MYO10: variants seen among roughly 807,000 people sequenced by gnomAD.
MYO10 encodes unconventional myosin-X.
Under a neutral mutation model 257.3 loss-of-function variants are expected in MYO10, and 133 were observed. The observed-to-expected ratio is 0.52, with a 90% CI of 0.45 to 0.60. The LOEUF is 0.60. Ranked by LOEUF, MYO10 falls within the 20% of genes least tolerant of loss-of-function variation. The pLI, the probability that MYO10 is intolerant of heterozygous loss-of-function variation, is 0.00. For missense variants in MYO10, 2,399 were observed against 2,635.7 expected (o/e 0.91, Z 1.97); for synonymous variants, 1,104 against 1,028.6 (o/e 1.07, Z -1.40).
intron 19 of MYO10, among the ~76,000 whole-genome samples, chr5:16,745,584 G>T (rs1270573135): frequency 2.0e-5 from 3 of 152,078 alleles, no homozygotes; most frequent in Non-Finnish European, 4.4e-5. Flanking sequence ...AGCTATTTGG[G>T]AGGCTGGGGC....
At chr5:16,681,530 TA>T (rs750981773) in intron 31 of MYO10, 27 bp from the exon 32 acceptor site, 60 of 1,577,912 alleles carry the variant, frequency 3.8e-5, no homozygotes, top group Non-Finnish European at 4.6e-5. Flanking sequence ...AAGTGTAAAT[TA>T]AAATCTGTGA....
At chr5:16,747,348 T>C (rs1740224511) in intron 19 of MYO10, among the ~76,000 whole-genome samples, 1 of 149,536 alleles carries the variant, frequency 6.7e-6, no homozygotes, top group Non-Finnish European at 1.5e-5. Context: ...TAAAACAGAA[T>C]CTATGGCAAT....
intron 22 of MYO10, among the ~76,000 whole-genome samples, chr5:16,703,561 A>T (rs1241498354): frequency 6.6e-6 from 1 of 152,132 alleles, no homozygotes; most frequent in Non-Finnish European, 1.5e-5. Flanking sequence ...GGCATAGTGG[A>T]TGCAACTAAA....
chr5:16,903,200 T>C (rs1174724837), intron 1 of MYO10, among the ~76,000 whole-genome samples: 3 of 151,998 alleles, frequency 2.0e-5, no homozygotes, highest in Non-Finnish European at 4.4e-5. Context: ...AGGTCAGGAG[T>C]TGAAGACCAG....
At chr5:16,833,372 C>T (rs1399552261) in intron 2 of MYO10, among the ~76,000 whole-genome samples, 1 of 151,974 alleles carries the variant, frequency 6.6e-6, no homozygotes, top group African/African-American at 2.4e-5. Flanking sequence ...CACCACCACA[C>T]CTGGATAATT....
At position 16,723,180 on chromosome 5, in the gene MYO10, C is replaced by G. The variant is rs185992618; in HGVS notation, c.1930-11935G>C. Among the ~76,000 whole-genome samples, 133 of 151,922 alleles carry G rather than the reference C, an allele frequency of 8.8e-4. 1 individual carries two copies. The highest frequency in any genetic ancestry group is 1.1e-3 in the Non-Finnish European group (72 of 67,980). ...TCACGAGGTCATGAGGTCAGGAGAT[C>G]GAGACCATCCTGGCTAACACAGTGA... On this transcript the variant is annotated intron_variant, in intron 19 of 40. Transcript: ENST00000513610.
chr5:16,702,491 A>G, intron 24 of MYO10, 52 bp downstream of exon 24: 1 of 1,501,998 alleles, frequency 6.7e-7, no homozygotes, highest in South Asian at 1.2e-5. Flanking sequence ...AAGCATTAGA[A>G]GTGGGAAGGA....
intron 2 of MYO10, 86 bp from the exon 3 acceptor site, chr5:16,818,253 C>A: frequency 8.3e-7 from 1 of 1,206,478 alleles, no homozygotes; most frequent in South Asian, 1.9e-5. Flanking sequence ...AATACAATCT[C>A]AGTATAATTT....
intron 1 of MYO10, among the ~76,000 whole-genome samples, chr5:16,904,115 GA>G (rs5866217): frequency 0.3 from 46,094 of 151,956 alleles, 8,732 homozygotes; most frequent in African/African-American, 0.54. Flanking sequence ...ACCAGTGAAA[GA>G]AATCAGTCAT....
intron 2 of MYO10, among the ~76,000 whole-genome samples, chr5:16,854,597 T>G (rs909597654): frequency 6.6e-6 from 1 of 152,216 alleles, no homozygotes; most frequent in East Asian, 1.9e-4. Context: ...GCGTTTCTAT[T>G]TTAAATAATG....
At chr5:16,788,017 C>T (rs1741640930) in intron 4 of MYO10, among the ~76,000 whole-genome samples, 1 of 152,142 alleles carries the variant, frequency 6.6e-6, no homozygotes, top group Non-Finnish European at 1.5e-5. Context: ...TGGTCTCGAA[C>T]TTCTGACCTC....
At chr5:16,882,974 A>G (rs1222414312) in intron 1 of MYO10, among the ~76,000 whole-genome samples, 1 of 147,676 alleles carries the variant, frequency 6.8e-6, no homozygotes, top group Non-Finnish European at 1.5e-5. Flanking sequence ...GGAATGCAGT[A>G]GTGCAATCTC....
rs139777847 is a variant in MYO10 at position 16,731,827 on chromosome 5, G to C, written c.1930-20582C>G. Among the ~76,000 whole-genome samples the C allele has an allele frequency of 5.8e-3, 882 of 152,344 alleles. 6 individuals are homozygous for C. The highest frequency in any genetic ancestry group is 0.02 in the African/African-American group (838 of 41,588). On this transcript the variant is annotated intron_variant, in intron 19 of 40. Coordinates refer to ENST00000513610, the MANE Select transcript of MYO10 (RefSeq NM_012334.3). ...GCTCCCCATCTCCTGCCTGGCCTGG[G>C]AGTGTTGTCACGTGCTGTGTTCACT...
intron 25 of MYO10, among the ~76,000 whole-genome samples, chr5:16,700,554 G>A (rs747523586): frequency 5.9e-5 from 9 of 151,986 alleles, no homozygotes; most frequent in Non-Finnish European, 1.2e-4. Context: ...GCGGGCATCT[G>A]TAATCCCAGC....
intron 1 of MYO10, among the ~76,000 whole-genome samples, chr5:16,888,222 G>A (rs190920472): frequency 1.1e-4 from 17 of 152,082 alleles, no homozygotes; most frequent in Middle Eastern, 3.4e-3. Flanking sequence ...AAGAGTGGAC[G>A]GCATGTAAAA....
intron 4 of MYO10, among the ~76,000 whole-genome samples, chr5:16,792,163 AGG>A (rs1233576419): frequency 1.0e-4 from 15 of 147,472 alleles, no homozygotes; most frequent in African/African-American, 3.1e-4. Flanking sequence ...AGAGAGAGAG[AGG>A]GAGAGACAGA....
intron 2 of MYO10, among the ~76,000 whole-genome samples, chr5:16,871,451 C>T (rs552358963): frequency 2.6e-5 from 4 of 152,192 alleles, no homozygotes; most frequent in South Asian, 2.1e-4. Context: ...CCCATCTCTA[C>T]AAAAAATGAG....
intron 1 of MYO10, among the ~76,000 whole-genome samples, chr5:16,895,501 T>C (rs965692429): frequency 6.6e-6 from 1 of 152,052 alleles, no homozygotes; most frequent in African/African-American, 2.4e-5. Context: ...ACGCCCCATC[T>C]AGACCAGAAC....
At chr5:16,838,094 T>C (rs901688650) in intron 2 of MYO10, among the ~76,000 whole-genome samples, 1 of 152,078 alleles carries the variant, frequency 6.6e-6, no homozygotes, top group African/African-American at 2.4e-5. Flanking sequence ...CACAACAATA[T>C]TGAAATTGGG....
Sources: allele counts gnomAD v4.1 joint callset (sites outside exome capture counted in the v4.1 genomes callset), GRCh38; gene constraint gnomAD v4.1.1; transcripts MANE v1.5; gene names NCBI Gene and HGNC (gene_info 2026-07-23, HGNC 2026-07-21).